The following GBE1 variants were observed in gnomAD, a reference collection of about 807,000 sequenced individuals.
GBE1 encodes 1,4-alpha-glucan-branching enzyme.
GBE1 carries 70 observed loss-of-function variants against 88.8 expected under a neutral mutation model. That is an observed-to-expected ratio of 0.79 (90% CI 0.65 to 0.96). The LOEUF is 0.96. Among genes scored for constraint, GBE1 ranks in the 40% least tolerant of loss-of-function variants. The pLI, the probability that GBE1 is intolerant of heterozygous loss-of-function variation, is 0.00. For missense variants in GBE1, 872 were observed against 871.0 expected, an observed-to-expected ratio of 1.00 and a Z score of -0.01; for synonymous variants, 284 against 300.1, an observed-to-expected ratio of 0.95 and a Z score of 0.56.
At chr3:81,676,348 T>C (rs765112248) in intron 2 of GBE1, among the ~76,000 whole-genome samples, 48 of 152,132 alleles carry the variant, frequency 3.2e-4, no homozygotes, top group Non-Finnish European at 6.6e-4. Flanking sequence ...TTTCTCTTGA[T>C]AGAAACTTTT....
At chr3:81,494,454 C>T (rs1296501459) in intron 15 of GBE1, among the ~76,000 whole-genome samples, 1 of 152,066 alleles carries the variant, frequency 6.6e-6, no homozygotes, top group Non-Finnish European at 1.5e-5. Flanking sequence ...AACATGAACA[C>T]ATTTAAGTAG....
At chr3:81,735,592 G>A (rs1398005133) in intron 1 of GBE1, among the ~76,000 whole-genome samples, 1 of 152,184 alleles carries the variant, frequency 6.6e-6, no homozygotes, top group African/African-American at 2.4e-5. Flanking sequence ...GCCTTGACTC[G>A]AACTGATATG....
rs1357214851 is a variant in GBE1 at position 81,586,112 on chromosome 3, T to C, written c.1315A>G (p.Ile439Val). Residue 439 changes from isoleucine (I) to valine (V), a missense_variant, in exon 10 of 16, where the codon ATT becomes GTT. Transcript: ENST00000429644. Reference sequence around the variant, plus strand: ...CTTACCTGAATCCACTTATCTGGAATTGCCATGGCTAGTCGATAGTCAAAA... The same window carrying C: ...CTTACCTGAATCCACTTATCTGGAACTGCCATGGCTAGTCGATAGTCAAAA... ...GGFDYRLAMA[I>V]PDKWIQLLKE... 3.1e-6 allele frequency: 5 copies of C among 1,608,480 alleles called. No homozygotes were observed. The highest frequency in any genetic ancestry group is 4.2e-6 in the Non-Finnish European group (5 of 1,177,356).
At chr3:81,698,927 A>T (rs1705643993) in intron 2 of GBE1, among the ~76,000 whole-genome samples, 1 of 152,214 alleles carries the variant, frequency 6.6e-6, no homozygotes, top group Non-Finnish European at 1.5e-5. Flanking sequence ...GAGAGCAACG[A>T]AATCAGGTTG....
intron 5 of GBE1, among the ~76,000 whole-genome samples, chr3:81,648,287 T>G (rs1300161191): frequency 6.6e-6 from 1 of 152,164 alleles, no homozygotes; most frequent in Non-Finnish European, 1.5e-5. Context: ...TAAAGCACAC[T>G]GAATCAATAA....
intron 1 of GBE1, chr3:81,743,561 C>CTAA: frequency 6.5e-7 from 1 of 1,534,360 alleles, no homozygotes; most frequent in East Asian, 2.4e-5. Flanking sequence ...AGTCACCTCA[C>CTAA]TTTAGCAAGA....
chr3:81,757,620 A>C (rs113869413), intron 1 of GBE1, among the ~76,000 whole-genome samples: 6 of 152,316 alleles, frequency 3.9e-5, no homozygotes, highest in African/African-American at 1.2e-4. Context: ...AGACGGGAGT[A>C]ATTAGAAATC....
chr3:81,707,144 T>A (rs1299468603), intron 1 of GBE1, among the ~76,000 whole-genome samples: 1 of 152,000 alleles, frequency 6.6e-6, no homozygotes, highest in African/African-American at 2.4e-5. Context: ...TAAGAAAGGT[T>A]TGGGAAACAA....
At chr3:81,678,235 A>T (rs554282945) in intron 2 of GBE1, among the ~76,000 whole-genome samples, 3 of 152,334 alleles carry the variant, frequency 2.0e-5, no homozygotes, top group African/African-American at 7.2e-5. Flanking sequence ...ACAATGGAAT[A>T]TCTGAGTATC....
chr3:81,633,004 C>G (rs529244291), intron 7 of GBE1, among the ~76,000 whole-genome samples: 1 of 152,124 alleles, frequency 6.6e-6, no homozygotes, highest in South Asian at 2.1e-4. Flanking sequence ...CACAGTTGGT[C>G]AGTTCCACAA....
chr3:81,568,240 C>T (rs958128390), intron 12 of GBE1, among the ~76,000 whole-genome samples: 5 of 151,992 alleles, frequency 3.3e-5, no homozygotes, highest in Non-Finnish European at 7.4e-5. Flanking sequence ...CTCTGCCTCC[C>T]GGGTTCAAGT....
intron 3 of GBE1, among the ~76,000 whole-genome samples, chr3:81,650,795 G>T (rs1014814250): frequency 6.6e-6 from 1 of 152,138 alleles, no homozygotes; most frequent in African/African-American, 2.4e-5. Flanking sequence ...CTTTCGAGGA[G>T]CTGGGACTAC....
At position 81,642,766 on chromosome 3, in the gene GBE1, ATTG is replaced by A; in HGVS notation, c.992+12_992+14del. ...CAGCAACAATAGAAAACATTTCTAT[ATTG>A]TATGTACCTACCTGGAGTAGGCAAA... is the stretch of plus-strand genomic sequence containing the variant. On this transcript the variant is annotated intron_variant, in intron 7 of 15. Coordinates refer to ENST00000429644, the MANE Select transcript of GBE1 (RefSeq NM_000158.4). 6.7e-7 allele frequency: 1 copy of A among 1,502,460 alleles called. No homozygotes were observed. Among genetic ancestry groups the A allele is most frequent in the Non-Finnish European group, 9.3e-7 (1 of 1,080,508 alleles). 93.1% of individuals were successfully genotyped at this position (1,502,460 alleles called of 1,614,324 possible). A position where few individuals can be genotyped will look rare whatever the true frequency, so the allele number is the denominator to read the frequency against.
intron 2 of GBE1, among the ~76,000 whole-genome samples, chr3:81,671,393 T>C (rs1244136874): frequency 6.6e-6 from 1 of 152,082 alleles, no homozygotes; most frequent in African/African-American, 2.4e-5. Flanking sequence ...GTGACAGAGC[T>C]GACATAAAAT....
At chr3:81,648,730 T>C in intron 5 of GBE1, 126 bp downstream of exon 5, 1 of 504,908 alleles carries the variant, frequency 2.0e-6, no homozygotes, top group Non-Finnish European at 3.3e-6. Context: ...AAGCCTAAAA[T>C]AAAATGCCTT....
intron 7 of GBE1, among the ~76,000 whole-genome samples, chr3:81,602,241 G>A (rs1576165838): frequency 1.3e-5 from 2 of 152,240 alleles, no homozygotes; most frequent in East Asian, 3.9e-4. Context: ...GACAGGCACA[G>A]CAGGAATATA....
intron 2 of GBE1, among the ~76,000 whole-genome samples, chr3:81,694,102 CT>C (rs1705558379): frequency 6.6e-6 from 1 of 151,726 alleles, no homozygotes; most frequent in Non-Finnish European, 1.5e-5. Context: ...CTTTTTAACA[CT>C]AGTAACTAGG....
chr3:81,667,159 A>G (rs537056831), intron 3 of GBE1, among the ~76,000 whole-genome samples: 2 of 152,316 alleles, frequency 1.3e-5, no homozygotes, highest in South Asian at 4.1e-4. Flanking sequence ...GAGGTCCTTC[A>G]CATCCCTTGT....
intron 12 of GBE1, among the ~76,000 whole-genome samples, chr3:81,541,334 C>T (rs960128472): frequency 6.6e-6 from 1 of 151,606 alleles, no homozygotes; most frequent in Non-Finnish European, 1.5e-5. Flanking sequence ...TCAGAGGGTT[C>T]ATGGACTCCA....
Sources: gnomAD v4.1 joint callset for allele counts (sites outside exome capture counted in the v4.1 genomes callset) on GRCh38, gnomAD v4.1.1 for gene constraint, MANE v1.5 for transcripts, NCBI Gene and HGNC (gene_info 2026-07-23, HGNC 2026-07-21) for gene names.